WASL: variants seen among roughly 807,000 people sequenced by gnomAD.
WASL encodes actin nucleation-promoting factor WASL.
A neutral mutation model predicts 55.5 loss-of-function variants in WASL; 20 were observed. That is an observed-to-expected ratio of 0.36 (90% confidence interval 0.25 to 0.52). WASL has a LOEUF of 0.52. Among genes scored for constraint, WASL ranks in the 20% least tolerant of loss-of-function variants. The pLI, the probability that WASL is intolerant of heterozygous loss-of-function variation, is 0.92. For missense variants in WASL, 504 were observed against 622.5 expected (o/e 0.81, Z 2.03); for synonymous variants, 249 against 217.6 (o/e 1.14, Z -1.27).
Position 123,683,122 on chromosome 7 carries a change from T to C in WASL, c.*1397A>G, listed in dbSNP as rs963921106. ...AGATAGCGTAATTTTTAGTTGGATA[T>C]TGTGACTATAGTAATGAAATACATT... On this transcript the variant is annotated 3_prime_UTR_variant, in exon 11 of 11. Transcript: ENST00000223023. 1.3e-5 allele frequency: 2 copies of C among 152,206 alleles called. No individual in the cohort carries two copies. The highest frequency in any genetic ancestry group is 1.9e-4 in the East Asian group (1 of 5,182). 9.4% of individuals were successfully genotyped at this position (152,206 alleles called of 1,614,324 possible). A position where few individuals can be genotyped will look rare whatever the true frequency, so the allele number is the denominator to read the frequency against.
chr7:123,697,746 T>G (rs1289264617), intron 5 of WASL, among the ~76,000 whole-genome samples: 1 of 152,234 alleles, frequency 6.6e-6, no homozygotes, highest in Non-Finnish European at 1.5e-5. Context: ...TGGCCCTCAG[T>G]TGACCACTTG....
At chr7:123,689,002 CTCTG>C (rs755183009) in intron 10 of WASL, 36 bp downstream of exon 10, 40 of 1,461,800 alleles carry the variant, frequency 2.7e-5, no homozygotes, top group South Asian at 9.3e-5. Flanking sequence ...CGCACACTCT[CTCTG>C]TCTCTCTCTC....
chr7:123,714,636 C>G (rs1803809455), intron 1 of WASL, among the ~76,000 whole-genome samples: 1 of 152,030 alleles, frequency 6.6e-6, no homozygotes. Context: ...TTATGAAGAA[C>G]CTACTATGTA....
chr7:123,698,781 A>T (rs996065785), intron 5 of WASL, among the ~76,000 whole-genome samples: 15 of 152,278 alleles, frequency 9.9e-5, no homozygotes, highest in Admixed American at 9.2e-4. Flanking sequence ...GGTGATTAGG[A>T]TGTGAATTTT....
chr7:123,735,909 A>C (rs1312047662), intron 1 of WASL, among the ~76,000 whole-genome samples: 1 of 152,166 alleles, frequency 6.6e-6, no homozygotes, highest in Non-Finnish European at 1.5e-5. Context: ...AAGTTTCCAA[A>C]CTTGATGTAA....
intron 1 of WASL, among the ~76,000 whole-genome samples, chr7:123,739,664 G>A (rs1804296021): frequency 6.6e-6 from 1 of 152,152 alleles, no homozygotes; most frequent in Non-Finnish European, 1.5e-5. Flanking sequence ...TGGTGGGTTA[G>A]GTGTGTTAAA....
intron 4 of WASL, 29 bp downstream of exon 4, chr7:123,706,248 C>A (rs950232625): frequency 6.2e-7 from 1 of 1,601,278 alleles, no homozygotes; most frequent in Non-Finnish European, 8.5e-7. Flanking sequence ...AGTTTGCTGG[C>A]CTGATTTAAG....
At chr7:123,710,820 C>T (rs1004773284) in intron 1 of WASL, among the ~76,000 whole-genome samples, 1 of 152,138 alleles carries the variant, frequency 6.6e-6, no homozygotes, top group Admixed American at 6.5e-5. Context: ...TCAAAACACA[C>T]TTGTGTTTGC....
intron 10 of WASL, among the ~76,000 whole-genome samples, chr7:123,687,633 CT>C (rs1384211101): frequency 6.6e-6 from 1 of 152,094 alleles, no homozygotes; most frequent in African/African-American, 2.4e-5. Context: ...TTTCCCTTTT[CT>C]GTTAGACTTT....
chr7:123,714,915 G>A (rs139129115), intron 1 of WASL, among the ~76,000 whole-genome samples: 25 of 152,260 alleles, frequency 1.6e-4, no homozygotes, highest in African/African-American at 4.8e-4. Context: ...AAGTATGGAG[G>A]AAATGGCATT....
intron 1 of WASL, among the ~76,000 whole-genome samples, chr7:123,731,266 A>T (rs1471359688): frequency 1.3e-5 from 2 of 152,218 alleles, no homozygotes; most frequent in Non-Finnish European, 2.9e-5. Context: ...AAGACATAAC[A>T]ATCTGTAATA....
intron 8 of WASL, among the ~76,000 whole-genome samples, chr7:123,693,913 G>A (rs1281434190): frequency 6.6e-6 from 1 of 152,084 alleles, no homozygotes; most frequent in Non-Finnish European, 1.5e-5. Context: ...ACTAGTACTG[G>A]CATAATAATG....
chr7:123,703,876 A>C (rs374897947), intron 5 of WASL, among the ~76,000 whole-genome samples: 1 of 152,266 alleles, frequency 6.6e-6, no homozygotes, highest in East Asian at 1.9e-4. Flanking sequence ...ATGATTCTTT[A>C]CCTTCATAGA....
chr7:123,732,485 G>T (rs559233548), intron 1 of WASL, among the ~76,000 whole-genome samples: 1 of 152,082 alleles, frequency 6.6e-6, no homozygotes, highest in Non-Finnish European at 1.5e-5. Context: ...GGAAAGACAC[G>T]ATCTATCAAA....
chr7:123,707,373 C>T lies in WASL; in HGVS notation c.253-547G>A, dbSNP rs542138970. Among the ~76,000 whole-genome samples, 6 of 152,130 alleles carry T rather than the reference C, an allele frequency of 3.9e-5. No homozygotes were observed. The South Asian group carries it at 1.2e-3, about 32-fold the overall frequency. ...TGCAGAGTACCTTTCTAATTATATA[C>T]TAGTATAAGTAGTATTAATCATGAT... On this transcript the variant is annotated intron_variant, in intron 2 of 10. Transcript: ENST00000223023.
At chr7:123,734,804 T>C (rs968022432) in intron 1 of WASL, among the ~76,000 whole-genome samples, 2 of 152,026 alleles carry the variant, frequency 1.3e-5, no homozygotes, top group Non-Finnish European at 2.9e-5. Flanking sequence ...TGAACTTTAG[T>C]TAATAATAAT....
At chr7:123,690,460 A>C (rs1320285778) in intron 9 of WASL, among the ~76,000 whole-genome samples, 1 of 151,596 alleles carries the variant, frequency 6.6e-6, no homozygotes, top group Non-Finnish European at 1.5e-5. Context: ...GGTCTTTTTC[A>C]AAAAATAACG....
At chr7:123,722,415 A>G (rs1803963290) in intron 1 of WASL, among the ~76,000 whole-genome samples, 1 of 152,244 alleles carries the variant, frequency 6.6e-6, no homozygotes, top group Non-Finnish European at 1.5e-5. Flanking sequence ...AAATCTGAAC[A>G]GGGTATTAAT....
At chr7:123,741,020 T>C (rs1584875839) in intron 1 of WASL, among the ~76,000 whole-genome samples, 2 of 152,126 alleles carry the variant, frequency 1.3e-5, no homozygotes, top group Admixed American at 1.3e-4. Context: ...AAAATGTGCA[T>C]GTTAGGTTCA....
Sources: allele counts gnomAD v4.1 joint callset (sites outside exome capture counted in the v4.1 genomes callset), GRCh38; gene constraint gnomAD v4.1.1; transcripts MANE v1.5; gene names NCBI Gene and HGNC (gene_info 2026-07-23, HGNC 2026-07-21).